PPARGC1A: variants seen among roughly 807,000 people sequenced by gnomAD.
The protein encoded by PPARGC1A is PPARG coactivator 1 alpha.
Under a neutral mutation model 88.7 loss-of-function variants are expected in PPARGC1A, and 25 were observed. That is an observed-to-expected ratio of 0.28 (90% CI 0.21 to 0.39). The LOEUF (loss-of-function observed/expected upper bound fraction) is 0.39. Ranked by LOEUF, PPARGC1A falls within the 10% of genes least tolerant of loss-of-function variation. The pLI is 1.00. For missense variants in PPARGC1A, 880 were observed against 968.7 expected (o/e 0.91, Z 1.22); for synonymous variants, 363 against 355.6 (o/e 1.02, Z -0.24).
At chr4:24,202,265 A>G in the PPARGC1A span, among the ~76,000 whole-genome samples, 1 of 151,874 alleles carries the variant, frequency 6.6e-6, no homozygotes, top group Non-Finnish European at 1.5e-5. Context: ...TTGCAAATTC[A>G]TTTTCCCGTG....
At chr4:24,219,721 T>G in the PPARGC1A span, among the ~76,000 whole-genome samples, 1 of 152,162 alleles carries the variant, frequency 6.6e-6, no homozygotes, top group African/African-American at 2.4e-5. Flanking sequence ...TGTTTGGATA[T>G]TTGATGATCA....
At chr4:23,943,743 G>A in the PPARGC1A span, among the ~76,000 whole-genome samples, 8 of 152,218 alleles carry the variant, frequency 5.3e-5, no homozygotes, top group East Asian at 9.7e-4. Flanking sequence ...CATGACCTCC[G>A]GTGATCAAAG....
At chr4:24,006,297 C>A in the PPARGC1A span, among the ~76,000 whole-genome samples, 2 of 152,180 alleles carry the variant, frequency 1.3e-5, no homozygotes, top group African/African-American at 4.8e-5. Context: ...GATCTGCCCA[C>A]CTCAGCCTCC....
intron 1 of PPARGC1A, among the ~76,000 whole-genome samples, chr4:23,898,654 G>C (rs1718895948): frequency 6.6e-6 from 1 of 152,154 alleles, no homozygotes; most frequent in African/African-American, 2.4e-5. Context: ...TCTTGATTCT[G>C]TGCTTGTGAG....
the PPARGC1A span, among the ~76,000 whole-genome samples, chr4:24,409,095 C>G: frequency 1.3e-5 from 2 of 152,214 alleles, no homozygotes; most frequent in East Asian, 1.9e-4. Flanking sequence ...ATATTCTTCT[C>G]TATAATCTTG....
At chr4:23,826,493 C>T (rs539102634) in intron 5 of PPARGC1A, among the ~76,000 whole-genome samples, 2 of 152,096 alleles carry the variant, frequency 1.3e-5, no homozygotes, top group Admixed American at 6.5e-5. Flanking sequence ...GACTCCAAAA[C>T]GTTTTATGGA....
the PPARGC1A span, among the ~76,000 whole-genome samples, chr4:24,258,743 C>T: frequency 3.3e-5 from 5 of 152,224 alleles, no homozygotes; most frequent in Admixed American, 6.5e-5. Flanking sequence ...AAAAAGATTG[C>T]AAGGAAGTCA....
chr4:24,387,942 AAG>A, the PPARGC1A span, among the ~76,000 whole-genome samples: 3 of 136,822 alleles, frequency 2.2e-5, no homozygotes, highest in Non-Finnish European at 4.6e-5. Context: ...AAGAGAAAGA[AAG>A]AAAGAAAGAA....
At chr4:23,802,398 G>A (rs1718949025) in intron 10 of PPARGC1A, 53 bp from the exon 11 acceptor site, 29 of 1,610,014 alleles carry the variant, frequency 1.8e-5, no homozygotes, top group Admixed American at 1.5e-4. Flanking sequence ...GCTAGCCCTC[G>A]GCCGGGCACA....
the PPARGC1A span, among the ~76,000 whole-genome samples, chr4:24,454,102 G>A: frequency 1.8e-4 from 28 of 151,706 alleles, no homozygotes; most frequent in African/African-American, 6.3e-4. Flanking sequence ...ATGGAAACGT[G>A]GATACATGGC....
intron 3 of PPARGC1A, among the ~76,000 whole-genome samples, chr4:23,830,493 C>T (rs1560395726): frequency 1.3e-5 from 2 of 152,276 alleles, no homozygotes; most frequent in East Asian, 1.9e-4. Flanking sequence ...AAGCCAATGA[C>T]ACTAACAAAT....
chr4:24,112,102 CT>C, the PPARGC1A span, among the ~76,000 whole-genome samples: 1 of 152,196 alleles, frequency 6.6e-6, no homozygotes, highest in Non-Finnish European at 1.5e-5. Flanking sequence ...TGGGTAGAGT[CT>C]GTCCATTCTG....
chr4:23,953,715 C>A, the PPARGC1A span, among the ~76,000 whole-genome samples: 656 of 152,098 alleles, frequency 4.3e-3, 6 homozygotes, highest in African/African-American at 0.015. Flanking sequence ...TGCCCACTGA[C>A]AGAATACTTG....
At chr4:23,961,663 G>T in the PPARGC1A span, among the ~76,000 whole-genome samples, 1 of 151,942 alleles carries the variant, frequency 6.6e-6, no homozygotes, top group African/African-American at 2.4e-5. Flanking sequence ...TGGTAATTGG[G>T]ACAGGTATTA....
the PPARGC1A span, among the ~76,000 whole-genome samples, chr4:24,096,704 A>T: frequency 1.5e-4 from 23 of 152,276 alleles, no homozygotes; most frequent in Admixed American, 1.4e-3. Flanking sequence ...CTGGTACCAT[A>T]TGAAATTTAA....
At chr4:24,282,346 T>C in the PPARGC1A span, among the ~76,000 whole-genome samples, 92 of 152,346 alleles carry the variant, frequency 6.0e-4, no homozygotes, top group African/African-American at 2.0e-3. Flanking sequence ...AATAACAGCG[T>C]CTATTTCTGC....
the PPARGC1A span, among the ~76,000 whole-genome samples, chr4:24,036,677 C>G: frequency 4.0e-5 from 6 of 150,740 alleles, no homozygotes; most frequent in African/African-American, 1.5e-4. Context: ...AGTATAAGAA[C>G]AGACAGACAA....
At chr4:24,128,111 C>T in the PPARGC1A span, among the ~76,000 whole-genome samples, 7 of 152,088 alleles carry the variant, frequency 4.6e-5, no homozygotes, top group South Asian at 2.1e-4. Flanking sequence ...GGACAGAGGA[C>T]GAAGGTCCAG....
chr4:24,297,395 C>G, the PPARGC1A span, among the ~76,000 whole-genome samples: 1 of 152,118 alleles, frequency 6.6e-6, no homozygotes, highest in Non-Finnish European at 1.5e-5. Context: ...CGGAAATGTA[C>G]TTTCAAAGCA....
Sources: allele counts gnomAD v4.1 joint callset (sites outside exome capture counted in the v4.1 genomes callset), GRCh38; gene constraint gnomAD v4.1.1; transcripts MANE v1.5; gene names NCBI Gene and HGNC (gene_info 2026-07-23, HGNC 2026-07-21).